Variants in ACACB observed in about 807,000 individuals in gnomAD.
The protein encoded by ACACB is acetyl-CoA carboxylase 2.
ACACB carries 209 observed loss-of-function variants against 278.8 expected under a neutral mutation model. The ratio of observed to expected loss-of-function variants is 0.75; its 90% CI spans 0.67 to 0.84. The LOEUF is 0.84. Among genes scored for constraint, ACACB ranks in the 40% least tolerant of loss-of-function variants. The pLI, the probability that ACACB is intolerant of heterozygous loss-of-function variation, is 0.00. For missense variants in ACACB, 2,850 were observed against 3,269.0 expected (o/e 0.87, Z 3.13); for synonymous variants, 1,174 against 1,285.6 (o/e 0.91, Z 1.86).
chr12:109,141,148 G>A (rs2043113659), intron 2 of ACACB, among the ~76,000 whole-genome samples: 1 of 151,650 alleles, frequency 6.6e-6, no homozygotes. Context: ...AGCGATCCTC[G>A]GTCTCCCAAA....
intron 16 of ACACB, among the ~76,000 whole-genome samples, chr12:109,196,143 G>T (rs899570783): frequency 6.6e-6 from 1 of 152,166 alleles, no homozygotes; most frequent in Non-Finnish European, 1.5e-5. Flanking sequence ...TGAAGTACCA[G>T]ATGGGGCAGG....
At chr12:109,137,788 A>G (rs527997172) in intron 1 of ACACB, among the ~76,000 whole-genome samples, 11 of 152,116 alleles carry the variant, frequency 7.2e-5, no homozygotes, top group Non-Finnish European at 4.4e-5. Flanking sequence ...GAGAGGTCCC[A>G]TTTAAAAATT....
In ACACB at chr12:109,179,092, A is replaced by G; in HGVS notation, c.1442A>G (p.Gln481Arg). ...CTGCTCTGCTTCCCCCGACAGGTAC[A>G]GAGTGAGATCCCAGGCTCGCCCATC... ...EDFPILFRQV[Q>R]SEIPGSPIFL... Residue 481 changes from glutamine (Q) to arginine (R), a missense_variant, in exon 10 of 53, where the codon CAG (glutamine) becomes CGG (arginine). Gln to Arg is a conservative substitution (Grantham distance 43, BLOSUM62 1). Around this residue, in one of 3 missense-constraint regions of ACACB, gnomAD observed 2,265 missense variants for 2,561.3 expected, o/e 0.88. Coordinates refer to ENST00000338432, the MANE Select transcript of ACACB (RefSeq NM_001093.4). 5.0e-6 allele frequency: 8 copies of G among 1,612,690 alleles called. No individual in the cohort carries two copies. Among genetic ancestry groups the G allele is most frequent in the Non-Finnish European group, 6.8e-6 (8 of 1,179,322 alleles).
intron 47 of ACACB, among the ~76,000 whole-genome samples, chr12:109,259,387 A>T (rs569659910): frequency 6.6e-6 from 1 of 152,264 alleles, no homozygotes; most frequent in East Asian, 1.9e-4. Flanking sequence ...AGCCTGGGGC[A>T]GTATAGCAAG....
chr12:109,231,233 C>A (rs2046460474), intron 28 of ACACB, among the ~76,000 whole-genome samples: 1 of 152,184 alleles, frequency 6.6e-6, no homozygotes, highest in Admixed American at 6.5e-5. Flanking sequence ...GATGGGGCTG[C>A]TGTCCTAGCT....
intron 1 of ACACB, chr12:109,131,257 T>C (rs1186480396): frequency 6.6e-6 from 1 of 152,586 alleles, no homozygotes; most frequent in Non-Finnish European, 1.5e-5. Flanking sequence ...GGGGGAACGC[T>C]CACCCATGTC....
In ACACB at chr12:109,209,230, G is replaced by A. The variant is rs1040072184; in HGVS notation, c.3126G>A (p.Leu1042=). Residue 1042 remains leucine, a synonymous_variant, in exon 21 of 53, where the codon CTG becomes CTA. Coordinates refer to ENST00000338432, the MANE Select transcript of ACACB (RefSeq NM_001093.4). ...ACCCGTCACTGCCGCTGCTGGAGCTGCAGGAGATCATGACCAGCGTGGCAG... is the reference window on the plus strand; with the variant it reads ...ACCCGTCACTGCCGCTGCTGGAGCTACAGGAGATCATGACCAGCGTGGCAG... ...LRHPSLPLLE[L]QEIMTSVAGR... is the part of the protein sequence containing the mutation. 5.0e-6 allele frequency: 8 copies of A among 1,610,950 alleles called. No individual in the cohort carries two copies. Among genetic ancestry groups the A allele is most frequent in the Non-Finnish European group, 6.8e-6 (8 of 1,179,370 alleles).
chr12:109,248,041 G>C (rs544280697), intron 40 of ACACB, among the ~76,000 whole-genome samples: 2 of 152,304 alleles, frequency 1.3e-5, no homozygotes, highest in African/African-American at 4.8e-5. Context: ...GGTATGGGTG[G>C]GGCAGAGAGA....
intron 11 of ACACB, among the ~76,000 whole-genome samples, chr12:109,180,753 A>ATTAC (rs1402880164): frequency 1.3e-5 from 2 of 151,904 alleles, no homozygotes; most frequent in Non-Finnish European, 2.9e-5. Flanking sequence ...TGTAATAATC[A>ATTAC]CATCAGGGTA....
In ACACB at chr12:109,216,865, G is replaced by A. The variant is rs752773911; in HGVS notation, c.3509G>A (p.Cys1170Tyr). The A allele has an allele frequency of 6.2e-7, 1 of 1,614,076 alleles. No individual in the cohort carries two copies. Among genetic ancestry groups the A allele is most frequent in the Admixed American group, 1.7e-5 (1 of 60,016 alleles). Residue 1170 changes from cysteine (C) to tyrosine (Y), a missense_variant, in exon 24 of 53, where the codon TGC becomes TAC. Cys to Tyr is a radical substitution (Grantham distance 194). This residue lies in a region of ACACB where 2,265 missense variants were observed against 2,561.3 expected (regional missense o/e 0.88). Transcript: ENST00000338432. ...FKPDMSQVLD[C>Y]IFSHAQVAKK... ...CCAGACATGTCCCAGGTGCTGGACTGCATCTTCTCCCACGCACAGGTGGCC... is the reference window on the plus strand; with the variant it reads ...CCAGACATGTCCCAGGTGCTGGACTACATCTTCTCCCACGCACAGGTGGCC...
rs750452512 is a variant in ACACB, at chr12:109,233,955, C to T, written c.4257C>T (p.Pro1419=). 1.9e-6 allele frequency: 3 copies of T among 1,614,180 alleles called. No individual in the cohort carries two copies. Among genetic ancestry groups the T allele is most frequent in the Non-Finnish European group, 2.5e-6 (3 of 1,180,028 alleles). The part of the protein sequence containing the change: ...EDDCKSLREE[P]IHILNVSIQC... Reference sequence around the variant, plus strand: ...CCTCTCAGAGCCTCAGAGAAGAGCCCATCCACATTCTGAATGTGTCCATCC... The same window carrying T: ...CCTCTCAGAGCCTCAGAGAAGAGCCTATCCACATTCTGAATGTGTCCATCC... The change falls in exon 31 of 53, where the codon CCC becomes CCT. Residue 1419 remains proline, a synonymous_variant. Transcript: ENST00000338432.
Position 109,247,474 on chromosome 12 carries a change from G to A in ACACB, c.5572-132G>A, listed in dbSNP as rs1184556266. On this transcript the variant is annotated intron_variant, in intron 39 of 52. Coordinates refer to ENST00000338432, the MANE Select transcript of ACACB (RefSeq NM_001093.4). ...TTAATACGGTATTTACATGAGATGT[G>A]TTAATGTGTCATTGACATGTTACTA... 1.2e-5 allele frequency: 8 copies of A among 684,060 alleles called. No homozygotes were observed. The Admixed American group carries it at 1.9e-4, about 16-fold the overall frequency. 42.4% of individuals were successfully genotyped at this position (684,060 alleles called of 1,614,324 possible).
chr12:109,151,279 G>A (rs976777785), intron 2 of ACACB, among the ~76,000 whole-genome samples: 8 of 152,120 alleles, frequency 5.3e-5, no homozygotes, highest in South Asian at 2.1e-4. Flanking sequence ...CACTGCGCCC[G>A]GCCTCCTAAA....
rs775889111 is a variant in ACACB, at chr12:109,247,716, T to C, written c.5669+13T>C. The C allele has an allele frequency of 2.5e-6, 4 of 1,594,476 alleles. No homozygotes were observed. The highest frequency in any genetic ancestry group is 1.1e-5 in the South Asian group (1 of 90,034). On this transcript the variant is annotated intron_variant, in intron 40 of 52. Coordinates refer to ENST00000338432, the MANE Select transcript of ACACB (RefSeq NM_001093.4). ...GAGGAGAGTCCAGGTAAATAACTTA[T>C]CAGGTAGCTCCTTAATTTTGCTCAT...
intron 1 of ACACB, among the ~76,000 whole-genome samples, chr12:109,126,061 A>G (rs372118754): frequency 6.6e-6 from 1 of 152,170 alleles, no homozygotes; most frequent in African/African-American, 2.4e-5. Context: ...GCAGGTGCTC[A>G]GGAAATACCT....
rs2046742904 is a variant in ACACB, at chr12:109,239,819, C to T, written c.4663-11C>T. 4 of 1,605,736 alleles carry T rather than the reference C, an allele frequency of 2.5e-6. No homozygotes were observed. The Admixed American group carries it at 5.1e-5, about 20-fold the overall frequency. On this transcript the variant is annotated splice_polypyrimidine_tract_variant and intron_variant, in intron 34 of 52. Transcript: ENST00000338432. ...CTGGCCTGAGCAGCTGCCCCTCCCA[C>T]TCTTTGGCAGGAAGCCTCCTTCGAA... is the stretch of plus-strand genomic sequence containing the variant.
intron 10 of ACACB, among the ~76,000 whole-genome samples, chr12:109,179,591 A>T (rs1473226939): frequency 6.6e-6 from 1 of 152,026 alleles, no homozygotes; most frequent in East Asian, 1.9e-4. Flanking sequence ...GGCTCAAGTG[A>T]TCCTCCCACC....
chr12:109,112,393 T>C (rs2042322030), upstream of ACACB, among the ~76,000 whole-genome samples: 1 of 151,638 alleles, frequency 6.6e-6, no homozygotes, highest in Non-Finnish European at 1.5e-5. Context: ...AAAATTTAAT[T>C]ACTGATTCTT....
rs201693517 is a variant in ACACB at position 109,241,197 on chromosome 12, C to T, written c.4938C>T (p.Pro1646=). Residue 1646 remains proline, a synonymous_variant, in exon 36 of 53, where the codon CCC becomes CCT. Transcript: ENST00000338432. ...AGACCACCACCGGCAGTGCCGTTCC[C>T]ATCCGCCTGTTCATCACCAATGAGT... is the stretch of plus-strand genomic sequence containing the variant. The part of the protein sequence containing the change: ...IRQTTTGSAV[P]IRLFITNESG... 3.2e-5 allele frequency: 51 copies of T among 1,614,222 alleles called. No individual in the cohort carries two copies. The Admixed American group carries it at 8.3e-4, about 26-fold the overall frequency.
Sources: allele counts gnomAD v4.1 joint callset (sites outside exome capture counted in the v4.1 genomes callset), GRCh38; gene constraint gnomAD v4.1.1; regional missense constraint gnomAD v4.1.1; transcripts MANE v1.5; gene names NCBI Gene and HGNC (gene_info 2026-07-23, HGNC 2026-07-21).